Variants in LIPA observed in about 807,000 individuals in gnomAD.
The protein encoded by LIPA is lysosomal acid lipase/cholesteryl ester hydrolase.
A neutral mutation model predicts 40.6 loss-of-function variants in LIPA; 26 were observed. The ratio of observed to expected loss-of-function variants is 0.64; its 90% CI spans 0.47 to 0.89. The LOEUF (loss-of-function observed/expected upper bound fraction) is 0.89, where lower values mean the gene tolerates loss of function less well. LIPA is among the 40% of genes least tolerant of loss of function. The pLI is 0.00. For missense variants in LIPA, 455 were observed against 479.6 expected (o/e 0.95, Z 0.48); for synonymous variants, 188 against 168.4 (o/e 1.12, Z -0.90).
chr10:89,378,052 C>G, intron 2 of LIPA: 2 of 1,455,454 alleles, frequency 1.4e-6, no homozygotes, highest in Non-Finnish European at 1.9e-6. Context: ...ATCTGAGAAG[C>G]CCTAGAACTC....
chr10:89,223,199 A>C (rs1842722832), intron 7 of LIPA, among the ~76,000 whole-genome samples: 1 of 152,114 alleles, frequency 6.6e-6, no homozygotes, highest in Admixed American at 6.5e-5. Flanking sequence ...CGGGGGGTCC[A>C]TGTGCAGGTT....
chr10:89,230,594 C>A (rs1842828525), intron 3 of LIPA, among the ~76,000 whole-genome samples: 1 of 152,166 alleles, frequency 6.6e-6, no homozygotes, highest in South Asian at 2.1e-4. Flanking sequence ...GTGTGAGCCA[C>A]CACGCCCAGC....
upstream of LIPA, among the ~76,000 whole-genome samples, chr10:89,254,454 C>T (rs1843171257): frequency 6.6e-6 from 1 of 152,150 alleles, no homozygotes; most frequent in African/African-American, 2.4e-5. Flanking sequence ...GACACAAGTC[C>T]CTAGGCTGCA....
chr10:89,269,198 C>T (rs990780118), intron 1 of LIPA, among the ~76,000 whole-genome samples: 5 of 151,106 alleles, frequency 3.3e-5, no homozygotes, highest in Admixed American at 1.3e-4. Context: ...GGCGTGGTGG[C>T]GCATGCCTGT....
intron 1 of LIPA, among the ~76,000 whole-genome samples, chr10:89,249,043 C>G (rs1346177310): frequency 6.6e-6 from 1 of 152,212 alleles, no homozygotes; most frequent in East Asian, 1.9e-4. Flanking sequence ...TTAGCTCTTC[C>G]TCCTACTTAT....
intron 1 of LIPA, among the ~76,000 whole-genome samples, chr10:89,328,701 C>T (rs1314333139): frequency 6.6e-6 from 1 of 152,194 alleles, no homozygotes; most frequent in Non-Finnish European, 1.5e-5. Flanking sequence ...AAACCCAAAG[C>T]TTAGCATTTA....
intron 1 of LIPA, among the ~76,000 whole-genome samples, chr10:89,313,367 C>T (rs1291145385): frequency 6.6e-6 from 1 of 152,164 alleles, no homozygotes; most frequent in African/African-American, 2.4e-5. Flanking sequence ...TTCCTACAGC[C>T]TTCTCTCTCT....
intron 1 of LIPA, among the ~76,000 whole-genome samples, chr10:89,272,601 G>A (rs1267165876): frequency 6.6e-6 from 1 of 152,054 alleles, no homozygotes; most frequent in Non-Finnish European, 1.5e-5. Flanking sequence ...TACTCCTCTG[G>A]GTACATACCC....
At chr10:89,387,263 C>T (rs1844217117) in intron 2 of LIPA, among the ~76,000 whole-genome samples, 1 of 149,260 alleles carries the variant, frequency 6.7e-6, no homozygotes, top group Non-Finnish European at 1.5e-5. Flanking sequence ...TTGCAGTGAG[C>T]CGAGAGATCC....
In LIPA at chr10:89,403,145, G is replaced by A. The variant is rs1589640407; in HGVS notation, c.61+9646C>T. The A allele has an allele frequency of 2.5e-6, 4 of 1,614,056 alleles. 1 individual carries two copies. Among genetic ancestry groups the A allele is most frequent in the Middle Eastern group, 1.6e-4 (1 of 6,062 alleles). ...CCACTTCTGTCTTACTGCATCACCA[G>A]ATAGGGCTTTGCTACAAGGCACAAA... On this transcript the variant is annotated intron_variant, in intron 2 of 8. Coordinates refer to the LIPA transcript ENST00000371837.
At chr10:89,248,776 G>A (rs1306055032) in intron 1 of LIPA, among the ~76,000 whole-genome samples, 3 of 151,830 alleles carry the variant, frequency 2.0e-5, no homozygotes, top group African/African-American at 7.3e-5. Context: ...CACCGCGCCC[G>A]GCCCAAAGGA....
chr10:89,386,940 T>C (rs904996247), intron 2 of LIPA, among the ~76,000 whole-genome samples: 2 of 125,356 alleles, frequency 1.6e-5, no homozygotes, highest in African/African-American at 7.2e-5. Flanking sequence ...AGTCTGTGGG[T>C]ATATGAGTGT....
chr10:89,333,113 G>A lies in LIPA; in HGVS notation c.-2+9498C>T, dbSNP rs115201261. 8.5e-3 allele frequency among the ~76,000 whole-genome samples: 1,300 copies of A among 152,244 alleles called. 19 individuals carry two copies. Among genetic ancestry groups the A allele is most frequent in the African/African-American group, 0.029 (1,204 of 41,532 alleles). On this transcript the variant is annotated intron_variant, in intron 1 of 5. Coordinates refer to the LIPA transcript ENST00000282673. ...TTTATGTTGAGGTCACTTTTACCTT[G>A]AAATGCACTTTTTCATAATTGGGGG...
chr10:89,313,448 T>C (rs1290613876), intron 1 of LIPA, among the ~76,000 whole-genome samples: 1 of 152,236 alleles, frequency 6.6e-6, no homozygotes, highest in Non-Finnish European at 1.5e-5. Flanking sequence ...ATGTTTAATG[T>C]AAAATGGTGC....
chr10:89,343,073 A>C (rs957590237), upstream of LIPA, among the ~76,000 whole-genome samples: 8 of 152,226 alleles, frequency 5.3e-5, no homozygotes, highest in Non-Finnish European at 1.0e-4. Context: ...GGAGGTAGGT[A>C]ATACCTCTCC....
chr10:89,379,193 C>T (rs1157287406), intron 2 of LIPA, among the ~76,000 whole-genome samples: 1 of 152,186 alleles, frequency 6.6e-6, no homozygotes, highest in Non-Finnish European at 1.5e-5. Flanking sequence ...ATTGTGATTA[C>T]TATGAAATTT....
At chr10:89,357,213 A>G (rs1306809218) in intron 2 of LIPA, among the ~76,000 whole-genome samples, 2 of 152,210 alleles carry the variant, frequency 1.3e-5, no homozygotes, top group Non-Finnish European at 2.9e-5. Context: ...ATTTCGTATT[A>G]TACCATAGCA....
chr10:89,251,011 T>G (rs1006327925), intron 1 of LIPA, among the ~76,000 whole-genome samples: 1 of 152,168 alleles, frequency 6.6e-6, no homozygotes, highest in East Asian at 1.9e-4. Flanking sequence ...GTACAGATTC[T>G]GAAAAAAGAT....
At chr10:89,240,263 T>C (rs919969730) in intron 3 of LIPA, among the ~76,000 whole-genome samples, 1 of 152,168 alleles carries the variant, frequency 6.6e-6, no homozygotes, top group Non-Finnish European at 1.5e-5. Context: ...AAGAAGTCAA[T>C]ATCAGAGACC....
Sources: allele counts gnomAD v4.1 joint callset (sites outside exome capture counted in the v4.1 genomes callset), GRCh38; gene constraint gnomAD v4.1.1; transcripts MANE v1.5; gene names NCBI Gene and HGNC (gene_info 2026-07-23, HGNC 2026-07-21).